CHD1L: variants seen among roughly 807,000 people sequenced by gnomAD.
CHD1L encodes the protein ATP-dependent chromatin remodeler CHD1L.
In CHD1L, 118 loss-of-function variants were observed where a neutral mutation model predicts 115.9. The ratio of observed to expected loss-of-function variants is 1.02; its 90% confidence interval spans 0.88 to 1.19. The LOEUF (loss-of-function observed/expected upper bound fraction) is 1.19. CHD1L is among the 50% of genes most tolerant of loss of function. CHD1L has a pLI of 0.00. For missense variants in CHD1L, 1,179 were observed against 1,065.3 expected, an observed-to-expected ratio of 1.11 and a Z score of -1.49; for synonymous variants, 411 against 387.1, an observed-to-expected ratio of 1.06 and a Z score of -0.72.
At chr1:147,243,089 T>G in intron 1 of CHD1L, 1 of 317,134 alleles carries the variant, frequency 3.2e-6, no homozygotes, top group Non-Finnish European at 5.7e-6. Flanking sequence ...GCCCCTGGCC[T>G]GTGGAGGGGA....
intron 6 of CHD1L, among the ~76,000 whole-genome samples, chr1:147,264,078 A>G (rs1553946117): frequency 6.6e-6 from 1 of 152,222 alleles, no homozygotes; most frequent in Non-Finnish European, 1.5e-5. Context: ...ACTCCCCGAC[A>G]CAGGCAGTAA....
At chr1:147,225,758 A>G in the CHD1L span, 1 of 152,264 alleles carries the variant, frequency 6.6e-6, no homozygotes, top group South Asian at 2.1e-4. Flanking sequence ...AACAGATTGT[A>G]GCAGGATGAG....
At chr1:147,286,034 G>A (rs1288191720) in intron 17 of CHD1L, among the ~76,000 whole-genome samples, 1 of 152,088 alleles carries the variant, frequency 6.6e-6, no homozygotes, top group African/African-American at 2.4e-5. Context: ...GTAGCTATCT[G>A]ACAAAGAATA....
chr1:147,204,438 A>G, the CHD1L span: 1 of 1,243,290 alleles, frequency 8.0e-7, no homozygotes, highest in Non-Finnish European at 1.2e-6. Context: ...TTACAGAGGT[A>G]CGAAGTAGAG....
chr1:147,282,015 C>T (rs1681084589), intron 15 of CHD1L, among the ~76,000 whole-genome samples: 4 of 152,174 alleles, frequency 2.6e-5, no homozygotes, highest in Non-Finnish European at 4.4e-5. Flanking sequence ...CTATAGTCAC[C>T]ATGGTACCTC....
At chr1:147,261,563 A>T (rs1553944154) in intron 6 of CHD1L, among the ~76,000 whole-genome samples, 1 of 152,212 alleles carries the variant, frequency 6.6e-6, no homozygotes, top group Non-Finnish European at 1.5e-5. Context: ...ATATCCTGGC[A>T]TCTAACCTTA....
At chr1:147,201,514 G>A in the CHD1L span, 177 of 1,587,850 alleles carry the variant, frequency 1.1e-4, no homozygotes, top group Middle Eastern at 3.3e-4. Flanking sequence ...TCTGTGAGTC[G>A]TGACAAAGAT....
Position 147,280,132 on chromosome 1 carries a change from A to T in CHD1L, c.1646A>T (p.Gln549Leu). 6.2e-7 allele frequency: 1 copy of T among 1,613,652 alleles called. No individual in the cohort carries two copies. Among genetic ancestry groups the T allele is most frequent in the Non-Finnish European group, 8.5e-7 (1 of 1,179,840 alleles). Reference protein sequence around the residue: ...ESILGETKDGQWVSDALPAAE... With the variant: ...ESILGETKDGLWVSDALPAAE... ...ATCCTGGGAGAAACAAAAGATGGCCAGTGGGTCTCTGATGCCTTGCCTGCA... is the reference window on the plus strand; with the variant it reads ...ATCCTGGGAGAAACAAAAGATGGCCTGTGGGTCTCTGATGCCTTGCCTGCA... Residue 549 changes from glutamine to leucine, a missense_variant, in exon 15 of 23, where the codon CAG becomes CTG. By Grantham distance (113) the Gln-to-Leu change is moderately radical. Transcript: ENST00000369258.
chr1:147,199,041 G>A, the CHD1L span, among the ~76,000 whole-genome samples: 1 of 152,008 alleles, frequency 6.6e-6, no homozygotes, highest in African/African-American at 2.4e-5. Flanking sequence ...TGCAAGGGCT[G>A]CAAAAGACGC....
At chr1:147,292,656 A>G (rs1248770681) in intron 20 of CHD1L, among the ~76,000 whole-genome samples, 1 of 152,210 alleles carries the variant, frequency 6.6e-6, no homozygotes, top group Non-Finnish European at 1.5e-5. Flanking sequence ...GGCTTCAGGA[A>G]GCTCACAGTC....
intron 14 of CHD1L, among the ~76,000 whole-genome samples, chr1:147,278,289 A>G (rs587659499): frequency 1.2e-4 from 15 of 122,630 alleles, no homozygotes; most frequent in Non-Finnish European, 2.2e-4. Flanking sequence ...CAGTGGCGCG[A>G]TCTCAGCTCA....
At chr1:147,208,569 A>G in the CHD1L span, 1 of 278,046 alleles carries the variant, frequency 3.6e-6, no homozygotes, top group South Asian at 4.0e-5. Context: ...CCTCCTGAAT[A>G]GCTGGGACTA....
At chr1:147,204,736 G>C in the CHD1L span, 1 of 1,512,388 alleles carries the variant, frequency 6.6e-7, no homozygotes, top group Non-Finnish European at 9.2e-7. Flanking sequence ...TGCATCATTT[G>C]TCACAAACAA....
the CHD1L span, among the ~76,000 whole-genome samples, chr1:147,226,107 C>T: frequency 1.1e-4 from 17 of 147,878 alleles, no homozygotes; most frequent in Admixed American, 6.0e-4. Context: ...ATTTATCTTA[C>T]TTTTTTTTTT....
At chr1:147,182,469 A>G in the CHD1L span, among the ~76,000 whole-genome samples, 10 of 152,188 alleles carry the variant, frequency 6.6e-5, no homozygotes, top group African/African-American at 7.2e-5. Context: ...CTTTTTTAAT[A>G]TAAGAGGAAA....
chr1:147,255,661 TTA>T, intron 3 of CHD1L, 150 bp from the exon 4 acceptor site: 1 of 501,030 alleles, frequency 2.0e-6, no homozygotes, highest in Non-Finnish European at 3.5e-6. Context: ...AACCATTTTT[TTA>T]GATAAGATTC....
the CHD1L span, among the ~76,000 whole-genome samples, chr1:147,187,816 T>C: frequency 6.6e-6 from 1 of 152,198 alleles, no homozygotes; most frequent in Non-Finnish European, 1.5e-5. Context: ...TTTAAAGATT[T>C]AAAAGGGCTT....
intron 9 of CHD1L, among the ~76,000 whole-genome samples, chr1:147,268,300 A>C (rs1441284194): frequency 2.0e-5 from 3 of 152,170 alleles, no homozygotes; most frequent in Non-Finnish European, 1.5e-5. Flanking sequence ...TCCTGTGGCC[A>C]TGGAGACTCT....
In CHD1L at chr1:147,294,524, T is replaced by G; in HGVS notation, c.2615+7T>G. 6.3e-7 allele frequency: 1 copy of G among 1,599,442 alleles called. No homozygotes were observed. Among genetic ancestry groups the G allele is most frequent in the Non-Finnish European group, 8.5e-7 (1 of 1,169,618 alleles). ...GAGGCATCCCAACTTACATGTATCC[T>G]TTTGTGATCTTCATTGTGTGTTCTC... On this transcript the variant is annotated splice_region_variant and intron_variant, in intron 22 of 22. Coordinates refer to ENST00000369258, the MANE Select transcript of CHD1L (RefSeq NM_004284.6).
Sources: allele counts gnomAD v4.1 joint callset (sites outside exome capture counted in the v4.1 genomes callset), GRCh38; gene constraint gnomAD v4.1.1; transcripts MANE v1.5; gene names NCBI Gene and HGNC (gene_info 2026-07-23, HGNC 2026-07-21).